LHFPL3: variants seen among roughly 807,000 people sequenced by gnomAD.
LHFPL3 encodes the protein LHFPL tetraspan subfamily member 3 protein.
In LHFPL3, 5 loss-of-function variants were observed where a neutral mutation model predicts 19.3. The ratio of observed to expected loss-of-function variants is 0.26; its 90% CI spans 0.14 to 0.54. The LOEUF is 0.54. LHFPL3 is among the 20% of genes least tolerant of loss of function. The pLI, the probability that LHFPL3 is intolerant of heterozygous loss-of-function variation, is 0.94. For synonymous variants in LHFPL3, 133 were observed against 126.2 expected, an observed-to-expected ratio of 1.05 and a Z score of -0.36; for missense variants, 249 against 307.4, an observed-to-expected ratio of 0.81 and a Z score of 1.42.
At chr7:104,609,108 T>TA (rs1364675494) in intron 1 of LHFPL3, among the ~76,000 whole-genome samples, 9 of 151,488 alleles carry the variant, frequency 5.9e-5, no homozygotes, top group African/African-American at 1.9e-4. Flanking sequence ...CTACTAAAAA[T>TA]AAAAAAATTA....
chr7:104,772,763 G>A (rs1450167087), intron 2 of LHFPL3, among the ~76,000 whole-genome samples: 1 of 152,344 alleles, frequency 6.6e-6, no homozygotes, highest in Admixed American at 6.5e-5. Flanking sequence ...ATCCTGTGAC[G>A]TATCCTACTC....
intron 2 of LHFPL3, among the ~76,000 whole-genome samples, chr7:104,755,844 C>T (rs527881075): frequency 1.3e-5 from 2 of 152,202 alleles, no homozygotes; most frequent in African/African-American, 2.4e-5. Context: ...TATAGGCATG[C>T]GCCACCACGC....
intron 1 of LHFPL3, among the ~76,000 whole-genome samples, chr7:104,476,570 C>T (rs1793022415): frequency 6.6e-6 from 1 of 152,086 alleles, no homozygotes; most frequent in African/African-American, 2.4e-5. Context: ...AAGCGATTCT[C>T]CTGCCTCAGC....
chr7:104,384,091 G>A (rs1790887269), intron 1 of LHFPL3, among the ~76,000 whole-genome samples: 1 of 151,118 alleles, frequency 6.6e-6, no homozygotes, highest in Non-Finnish European at 1.5e-5. Context: ...TGAGTGGAGA[G>A]AATAAGTTAA....
chr7:104,396,854 T>C (rs10254627), intron 1 of LHFPL3, among the ~76,000 whole-genome samples: 58,567 of 151,616 alleles, frequency 0.39, 11,732 homozygotes, highest in Admixed American at 0.5. Context: ...TCTGTGGTCC[T>C]AGCTACTCAG....
chr7:104,572,926 A>G (rs931624076), intron 1 of LHFPL3, among the ~76,000 whole-genome samples: 5 of 152,246 alleles, frequency 3.3e-5, no homozygotes, highest in South Asian at 4.1e-4. Context: ...AAATAGAAAT[A>G]GCAGGTCTAA....
intron 2 of LHFPL3, among the ~76,000 whole-genome samples, chr7:104,849,323 T>C (rs966087736): frequency 2.0e-5 from 3 of 152,190 alleles, no homozygotes; most frequent in Non-Finnish European, 4.4e-5. Context: ...TGTCTTGCCA[T>C]AGAGGAAACC....
rs535743126 is a variant in LHFPL3 at position 104,588,377 on chromosome 7, A to C, written c.446-148298A>C. ...AGCACCATTTACTAAATAGGGAATCATTTCCCCGTTGCTTGTTTTTGTCAG... is the reference window on the plus strand; with the variant it reads ...AGCACCATTTACTAAATAGGGAATCCTTTCCCCGTTGCTTGTTTTTGTCAG... On this transcript the variant is annotated intron_variant, in intron 1 of 2. Transcript: ENST00000424859. Among the ~76,000 whole-genome samples, 30 of 152,166 alleles carry C rather than the reference A, an allele frequency of 2.0e-4. No individual in the cohort carries two copies. The East Asian group carries it at 4.0e-3, about 21-fold the overall frequency.
chr7:104,524,354 T>C (rs887032957), intron 1 of LHFPL3, among the ~76,000 whole-genome samples: 9 of 152,010 alleles, frequency 5.9e-5, no homozygotes, highest in Non-Finnish European at 1.0e-4. Context: ...GTTAAAGAGA[T>C]CTTGACCTCG....
At chr7:104,563,960 A>T (rs1320465784) in intron 1 of LHFPL3, among the ~76,000 whole-genome samples, 1 of 152,236 alleles carries the variant, frequency 6.6e-6, no homozygotes, top group Non-Finnish European at 1.5e-5. Flanking sequence ...TCTTTCTGCC[A>T]TAGAAAATAC....
chr7:104,618,747 C>G (rs1478437865), intron 1 of LHFPL3, among the ~76,000 whole-genome samples: 1 of 151,936 alleles, frequency 6.6e-6, no homozygotes, highest in East Asian at 1.9e-4. Context: ...GTGAAACTTA[C>G]AAGATTCAGA....
At chr7:104,575,295 C>T (rs1790304678) in intron 1 of LHFPL3, among the ~76,000 whole-genome samples, 1 of 152,030 alleles carries the variant, frequency 6.6e-6, no homozygotes, top group African/African-American at 2.4e-5. Context: ...TCTCATCTCC[C>T]TTGCTTCTAA....
At chr7:104,783,782 A>G (rs919614371) in intron 2 of LHFPL3, among the ~76,000 whole-genome samples, 1 of 152,172 alleles carries the variant, frequency 6.6e-6, no homozygotes. Context: ...CTGCCCAACC[A>G]GTTCCTCCAT....
intron 1 of LHFPL3, among the ~76,000 whole-genome samples, chr7:104,481,034 C>T (rs1421460715): frequency 6.6e-6 from 1 of 152,142 alleles, no homozygotes; most frequent in African/African-American, 2.4e-5. Context: ...TCAGTCACAT[C>T]ACTTTGCCTT....
At chr7:104,472,834 C>T (rs1024837317) in intron 1 of LHFPL3, among the ~76,000 whole-genome samples, 3 of 152,112 alleles carry the variant, frequency 2.0e-5, no homozygotes, top group African/African-American at 7.2e-5. Flanking sequence ...TTAATCAGTT[C>T]TGTTTTTATG....
chr7:104,756,691 G>T (rs1423135276), intron 2 of LHFPL3, among the ~76,000 whole-genome samples: 2 of 151,910 alleles, frequency 1.3e-5, no homozygotes, highest in Non-Finnish European at 2.9e-5. Flanking sequence ...GTAGAGATGG[G>T]GTTTCACCAT....
At chr7:104,504,639 C>A (rs1415737970) in intron 1 of LHFPL3, among the ~76,000 whole-genome samples, 1 of 152,056 alleles carries the variant, frequency 6.6e-6, no homozygotes, top group Non-Finnish European at 1.5e-5. Context: ...AGGGTTGATT[C>A]CAATACACAC....
chr7:104,818,387 TAA>T (rs74273539), intron 2 of LHFPL3, among the ~76,000 whole-genome samples: 70 of 131,302 alleles, frequency 5.3e-4, no homozygotes, highest in Admixed American at 1.0e-3. Flanking sequence ...CTTCTCTCAT[TAA>T]AAAAAAAAAA....
intron 1 of LHFPL3, among the ~76,000 whole-genome samples, chr7:104,398,559 A>G (rs895162735): frequency 6.6e-6 from 1 of 152,218 alleles, no homozygotes; most frequent in Non-Finnish European, 1.5e-5. Context: ...TATATAAAGC[A>G]TTTCCACATG....
Sources: allele counts gnomAD v4.1 joint callset (sites outside exome capture counted in the v4.1 genomes callset), GRCh38; gene constraint gnomAD v4.1.1; transcripts MANE v1.5; gene names NCBI Gene and HGNC (gene_info 2026-07-23, HGNC 2026-07-21).